Variants in MTA1 observed in about 807,000 individuals in gnomAD.
MTA1 encodes metastasis-associated protein MTA1.
A neutral mutation model predicts 97.0 loss-of-function variants in MTA1; 15 were observed. The observed-to-expected ratio is 0.15, with a 90% CI of 0.10 to 0.24. The LOEUF is 0.24. Ranked by LOEUF, MTA1 falls within the 10% of genes least tolerant of loss-of-function variation. MTA1 has a pLI of 1.00. For synonymous variants in MTA1, 435 were observed against 417.5 expected (o/e 1.04, Z -0.51); for missense variants, 709 against 1,015.1 (o/e 0.70, Z 4.10).
intron 3 of MTA1, among the ~76,000 whole-genome samples, chr14:105,448,309 C>A (rs1298273097): frequency 6.6e-6 from 1 of 152,122 alleles, no homozygotes; most frequent in Non-Finnish European, 1.5e-5. Context: ...TGAGGGTCTT[C>A]TGAGGAGCTG....
intron 1 of MTA1, among the ~76,000 whole-genome samples, chr14:105,423,934 G>A (rs1356717703): frequency 6.6e-6 from 1 of 152,246 alleles, no homozygotes; most frequent in East Asian, 1.9e-4. Flanking sequence ...TCCATGGGCC[G>A]ACTTTTGGGG....
rs377560776 is a variant in MTA1, at chr14:105,469,880, C to T, written c.1885C>T (p.Pro629Ser). 3.1e-6 allele frequency: 5 copies of T among 1,610,644 alleles called. No individual in the cohort carries two copies. In the African/African-American group the frequency reaches 4.0e-5, roughly 13 times the overall value. ...RNLLLNGKSY[P>S]TKVRLIRGGS... Reference sequence around the variant, plus strand: ...CCTCCTGCTCAACGGGAAGTCCTACCCCACCAAAGTGCGCCTGATCCGGGG... The same window carrying T: ...CCTCCTGCTCAACGGGAAGTCCTACTCCACCAAAGTGCGCCTGATCCGGGG... The change falls in exon 20 of 21, where the codon CCC becomes TCC. Residue 629 changes from proline to serine, a missense_variant. By Grantham distance (74) the Pro-to-Ser change is moderately conservative. Around this residue, in one of 2 missense-constraint regions of MTA1, gnomAD observed 388 missense variants for 421.6 expected, o/e 0.92. Coordinates refer to ENST00000331320, the MANE Select transcript of MTA1 (RefSeq NM_004689.4).
intron 3 of MTA1, among the ~76,000 whole-genome samples, chr14:105,447,766 C>T (rs1458177166): frequency 2.6e-5 from 4 of 152,220 alleles, no homozygotes; most frequent in South Asian, 4.1e-4. Flanking sequence ...GGACTCAGAG[C>T]GCGGCCCCAC....
chr14:105,438,889 T>C, intron 2 of MTA1, 150 bp downstream of exon 2: 2 of 754,790 alleles, frequency 2.6e-6, no homozygotes. Flanking sequence ...CCGTCCACTG[T>C]CACCTGCACC....
At chr14:105,440,243 C>T (rs10130807) in intron 2 of MTA1, among the ~76,000 whole-genome samples, 6,178 of 152,350 alleles carry the variant, frequency 0.041, 408 homozygotes, top group African/African-American at 0.14. Context: ...CTCCTGAGTG[C>T]GGGGCAGCAC....
At chr14:105,426,719 C>T (rs1460016448) in intron 1 of MTA1, among the ~76,000 whole-genome samples, 3 of 152,192 alleles carry the variant, frequency 2.0e-5, no homozygotes, top group African/African-American at 7.2e-5. Flanking sequence ...GTCTCCGATC[C>T]TTCTTGGACT....
chr14:105,467,240 G>A, intron 18 of MTA1: 1 of 361,554 alleles, frequency 2.8e-6, no homozygotes, highest in Non-Finnish European at 5.5e-6. Flanking sequence ...AGGGGCTGCG[G>A]GACCCCAGGC....
intron 1 of MTA1, among the ~76,000 whole-genome samples, chr14:105,434,780 C>T (rs758694592): frequency 6.6e-6 from 1 of 152,156 alleles, no homozygotes; most frequent in Non-Finnish European, 1.5e-5. Flanking sequence ...GGATTACAGG[C>T]GTGAGCCACC....
In MTA1 at chr14:105,463,776, C is replaced by A; in HGVS notation, c.1076+225C>A. 1 of 620,288 alleles carries A rather than the reference C, an allele frequency of 1.6e-6. No homozygotes were observed. Among genetic ancestry groups the A allele is most frequent in the Non-Finnish European group, 2.8e-6 (1 of 351,928 alleles). The allele number at this position is 620,288 out of a possible 1,614,324, so 38.4% of individuals were successfully genotyped here. A position where few individuals can be genotyped will look rare whatever the true frequency, so the allele number is the denominator to read the frequency against. On this transcript the variant is annotated intron_variant, in intron 12 of 20. Transcript: ENST00000331320. This position sits in a 1 kb window ranked among gnomAD's most constrained non-coding sequence, Gnocchi z 5.9. ...TGGTCAGTAAGGGGGCATTGGGATT[C>A]CAGCCCACACCGCCAGGGTTCAGTC...
intron 6 of MTA1, among the ~76,000 whole-genome samples, chr14:105,451,724 C>T (rs1176878878): frequency 6.6e-6 from 1 of 151,940 alleles, no homozygotes; most frequent in East Asian, 1.9e-4. Flanking sequence ...TGCTCAGGCA[C>T]CCTGAAACCC....
chr14:105,437,151 C>G (rs1555424545), intron 1 of MTA1, among the ~76,000 whole-genome samples: 1 of 152,278 alleles, frequency 6.6e-6, no homozygotes, highest in Non-Finnish European at 1.5e-5. Flanking sequence ...GGCTCAGGAG[C>G]TGCATGCACA....
intron 1 of MTA1, among the ~76,000 whole-genome samples, chr14:105,429,452 ATTT>A (rs781947661): frequency 7.2e-6 from 1 of 138,464 alleles, no homozygotes; most frequent in Non-Finnish European, 1.6e-5. Context: ...CACCCGGCTA[ATTT>A]TTTTTTTTTT....
At chr14:105,468,618 A>T (rs2083696072) in intron 18 of MTA1, among the ~76,000 whole-genome samples, 1 of 152,118 alleles carries the variant, frequency 6.6e-6, no homozygotes, top group Non-Finnish European at 1.5e-5. Flanking sequence ...TCCTTAAGGG[A>T]TGGGCCTCAG....
intron 18 of MTA1, 139 bp from the exon 19 acceptor site, chr14:105,469,328 C>A: frequency 1.1e-6 from 1 of 944,814 alleles, no homozygotes; most frequent in Non-Finnish European, 1.7e-6. Flanking sequence ...GTCCCCCAGG[C>A]CCATCCTGGG....
chr14:105,436,237 C>G (rs1213045822), intron 1 of MTA1, among the ~76,000 whole-genome samples: 1 of 152,174 alleles, frequency 6.6e-6, no homozygotes, highest in South Asian at 2.1e-4. Context: ...CCATTGCACT[C>G]CATCCAGCCT....
Position 105,419,998 on chromosome 14 carries a change from C to A in MTA1, c.-38C>A. 1 of 1,013,816 alleles carries A rather than the reference C, an allele frequency of 9.9e-7. No individual in the cohort carries two copies. Among genetic ancestry groups the A allele is most frequent in the Non-Finnish European group, 1.2e-6 (1 of 851,798 alleles). The allele number at this position is 1,013,816 out of a possible 1,614,324, so 62.8% of individuals were successfully genotyped here. On this transcript the variant is annotated 5_prime_UTR_variant, in exon 1 of 21. Transcript: ENST00000331320. ...TCCCGGCCGCCCGCGCCGAGCGCCG[C>A]GCCCGCCCCGGGCCCCTCCGCCGCC...
chr14:105,432,241 A>T (rs1009362029), intron 1 of MTA1, among the ~76,000 whole-genome samples: 37 of 150,162 alleles, frequency 2.5e-4, no homozygotes, highest in African/African-American at 8.0e-4. Flanking sequence ...TTTATTTTTT[A>T]TTTATTTATT....
rs1555433933 is a variant in MTA1 at position 105,469,900 on chromosome 14, C to T, written c.1905C>T (p.Ile635=). The T allele has an allele frequency of 2.5e-6, 4 of 1,611,654 alleles. No individual in the cohort carries two copies. The Admixed American group carries it at 6.7e-5, about 27-fold the overall frequency. ...GKSYPTKVRL[I]RGGSLPPVKR... The stretch of plus-strand genomic sequence containing the variant: ...CCTACCCCACCAAAGTGCGCCTGAT[C>T]CGGGGGGGCTCCCTGCCCCCAGTCA... The change falls in exon 20 of 21, where the codon ATC becomes ATT. Residue 635 remains isoleucine, a synonymous_variant. Coordinates refer to ENST00000331320, the MANE Select transcript of MTA1 (RefSeq NM_004689.4).
rs117715456 is a variant in MTA1 at position 105,421,928 on chromosome 14, C to G, written c.28+1865C>G. On this transcript the variant is annotated intron_variant, in intron 1 of 20. Transcript: ENST00000331320. ...ACTCCAGTGCTGTGAGGGTGGGTGG[C>G]CTGGACTCCTAGGCTGTGGCGGAGG... Among the ~76,000 whole-genome samples the G allele has an allele frequency of 1.1e-4, 17 of 152,356 alleles. No individual in the cohort carries two copies. In the East Asian group the frequency reaches 3.1e-3, roughly 28 times the overall value.
Sources: allele counts gnomAD v4.1 joint callset (sites outside exome capture counted in the v4.1 genomes callset), GRCh38; gene constraint gnomAD v4.1.1; regional missense constraint gnomAD v4.1.1; non-coding constraint Gnocchi (gnomAD v3.1); transcripts MANE v1.5; gene names NCBI Gene and HGNC (gene_info 2026-07-23, HGNC 2026-07-21).